The following PATJ variants were observed in gnomAD, a reference collection of about 807,000 sequenced individuals.
PATJ encodes inaD-like protein.
A neutral mutation model predicts 224.9 loss-of-function variants in PATJ; 190 were observed. The ratio of observed to expected loss-of-function variants is 0.84; its 90% CI spans 0.75 to 0.95. The LOEUF (loss-of-function observed/expected upper bound fraction) is 0.95. PATJ is among the 40% of genes least tolerant of loss of function. The pLI, the probability that PATJ is intolerant of heterozygous loss-of-function variation, is 0.00. For synonymous variants in PATJ, 769 were observed against 820.3 expected (o/e 0.94, Z 1.07); for missense variants, 2,121 against 2,270.3 (o/e 0.93, Z 1.34).
rs758947300 is a variant in PATJ, at chr1:61,833,803, G to A, written c.2112+18G>A. The A allele has an allele frequency of 6.2e-7, 1 of 1,606,340 alleles. No homozygotes were observed. The highest frequency in any genetic ancestry group is 2.2e-5 in the East Asian group (1 of 44,682). On this transcript the variant is annotated intron_variant, in intron 17 of 43. Transcript: ENST00000642238. Reference sequence around the variant, plus strand: ...ATTACCAGGTATAAGAACCTGTGTAGAGGTGTTTTCTTTGGAGTGATTGGT... The same window carrying A: ...ATTACCAGGTATAAGAACCTGTGTAAAGGTGTTTTCTTTGGAGTGATTGGT...
chr1:62,008,182 A>G (rs1646209263), intron 28 of PATJ, among the ~76,000 whole-genome samples: 1 of 152,168 alleles, frequency 6.6e-6, no homozygotes, highest in Non-Finnish European at 1.5e-5. Flanking sequence ...AGCCTATGTT[A>G]TATGCTCCTC....
At chr1:62,117,855 A>G (rs17123111) in intron 37 of PATJ, among the ~76,000 whole-genome samples, 26,213 of 152,098 alleles carry the variant, frequency 0.17, 3,727 homozygotes, top group East Asian at 0.73. Flanking sequence ...TGTGGTACAT[A>G]ATGAGACTAT....
In PATJ at chr1:62,161,151, C is replaced by T. The variant is rs775262155; in HGVS notation, c.*97C>T. The T allele has an allele frequency of 2.7e-5, 25 of 938,104 alleles. No individual in the cohort carries two copies. Among genetic ancestry groups the T allele is most frequent in the Non-Finnish European group, 3.5e-5 (24 of 691,870 alleles). The allele number at this position is 938,104 out of a possible 1,614,324, so 58.1% of individuals were successfully genotyped here. On this transcript the variant is annotated 3_prime_UTR_variant, in exon 44 of 44. Transcript: ENST00000642238. ...ATGAAAAGCACCCTCAACTAAAATGCACCTTCATTCTTATTTCTTGCCCTC... is the reference window on the plus strand; with the variant it reads ...ATGAAAAGCACCCTCAACTAAAATGTACCTTCATTCTTATTTCTTGCCCTC...
chr1:62,136,681 G>C (rs868159127), intron 41 of PATJ, among the ~76,000 whole-genome samples: 30 of 146,892 alleles, frequency 2.0e-4, no homozygotes, highest in Admixed American at 4.1e-4. Context: ...GTGTGTGTGT[G>C]TGTGTGTGTG....
intron 27 of PATJ, among the ~76,000 whole-genome samples, chr1:61,971,082 T>C (rs1682911195): frequency 6.6e-6 from 1 of 152,184 alleles, no homozygotes; most frequent in Non-Finnish European, 1.5e-5. Context: ...GTATTCTTTA[T>C]TTTGATCATC....
At position 61,981,202 on chromosome 1, in the gene PATJ, A is replaced by G. The variant is rs76379623; in HGVS notation, c.3671-8966A>G. On this transcript the variant is annotated intron_variant, in intron 27 of 43. Transcript: ENST00000642238. ...ACTTTTGTTGACTGTCATCATCAAC[A>G]TGTTTTTCCTGGAAAGAAATGAGTG... is the stretch of plus-strand genomic sequence containing the variant. Among the ~76,000 whole-genome samples, 789 of 152,110 alleles carry G rather than the reference A, an allele frequency of 5.2e-3. 15 individuals are homozygous for G. The highest frequency in any genetic ancestry group is 0.018 in the African/African-American group (748 of 41,366).
At chr1:62,079,675 G>A in intron 32 of PATJ, 108 bp downstream of exon 32, 1 of 726,844 alleles carries the variant, frequency 1.4e-6, no homozygotes. Flanking sequence ...TCTGACTCTG[G>A]ATACTTCCTC....
chr1:61,881,175 T>C (rs1283835596), intron 21 of PATJ, among the ~76,000 whole-genome samples: 1 of 152,164 alleles, frequency 6.6e-6, no homozygotes, highest in Non-Finnish European at 1.5e-5. Flanking sequence ...TTGTTCTCTA[T>C]TTTCTAGAAT....
chr1:62,092,701 C>G (rs962089653), intron 33 of PATJ, among the ~76,000 whole-genome samples: 1 of 150,514 alleles, frequency 6.6e-6, no homozygotes, highest in Non-Finnish European at 1.5e-5. Context: ...CAGGTGTGAG[C>G]CACTGCACCT....
At chr1:62,147,259 T>C (rs933679688) in intron 41 of PATJ, among the ~76,000 whole-genome samples, 1 of 151,780 alleles carries the variant, frequency 6.6e-6, no homozygotes, top group African/African-American at 2.4e-5. Context: ...GACTAAGCCC[T>C]GTGGCCCTCA....
At position 61,771,589 on chromosome 1, in the gene PATJ, C is replaced by T; in HGVS notation, c.683C>T (p.Thr228Ile). Reference sequence around the variant, plus strand: ...GAACCAGTCCACACAAAAAGCAGTACTTCTAGCAGCCTAAATGATACAACT... The same window carrying T: ...GAACCAGTCCACACAAAAAGCAGTATTTCTAGCAGCCTAAATGATACAACT... ...AREPVHTKSS[T>I]SSSLNDTTLP... Residue 228 changes from threonine to isoleucine, a missense_variant, in exon 6 of 44, where the codon ACT (threonine) becomes ATT (isoleucine). Physicochemically the swap from Thr to Ile is moderately conservative, Grantham distance 89. Transcript: ENST00000642238. 1 of 1,607,608 alleles carries T rather than the reference C, an allele frequency of 6.2e-7. No homozygotes were observed. The highest frequency in any genetic ancestry group is 1.1e-5 in the South Asian group (1 of 89,208).
chr1:61,888,554 G>C, intron 22 of PATJ, among the ~76,000 whole-genome samples: 1 of 152,104 alleles, frequency 6.6e-6, no homozygotes, highest in Admixed American at 6.6e-5. Flanking sequence ...CTCCCAAAGT[G>C]TTCAAATTAT....
At position 61,813,362 on chromosome 1, in the gene PATJ, T is replaced by G. The variant is rs941882113; in HGVS notation, c.1683+4832T>G. ...ATATATATATATATATATATATATATATATATATATATATATACACACACA... is the reference window on the plus strand; with the variant it reads ...ATATATATATATATATATATATATAGATATATATATATATATACACACACA... On this transcript the variant is annotated intron_variant, in intron 14 of 43. Transcript: ENST00000642238. 1.3e-3 allele frequency among the ~76,000 whole-genome samples: 59 copies of G among 45,846 alleles called. 1 individual carries two copies. Among genetic ancestry groups the G allele is most frequent in the Admixed American group, 5.6e-3 (19 of 3,414 alleles). The allele number at this position is 45,846 out of a possible 152,430, so 30.1% of individuals were successfully genotyped here.
chr1:62,026,464 G>A (rs1647936989), intron 29 of PATJ, among the ~76,000 whole-genome samples: 1 of 111,040 alleles, frequency 9.0e-6, no homozygotes, highest in Non-Finnish European at 1.9e-5. Context: ...TTCAACATTT[G>A]TGTGTGTGTG....
At chr1:61,940,469 C>T (rs1274647365) in intron 27 of PATJ, among the ~76,000 whole-genome samples, 1 of 152,082 alleles carries the variant, frequency 6.6e-6, no homozygotes, top group Non-Finnish European at 1.5e-5. Context: ...GTAATCCCAG[C>T]ACTTTGGGAG....
At chr1:62,093,159 G>A (rs149451083) in intron 33 of PATJ, among the ~76,000 whole-genome samples, 69 of 152,120 alleles carry the variant, frequency 4.5e-4, no homozygotes, top group African/African-American at 1.3e-3. Context: ...GGGCAGCTAC[G>A]TTAGCAAGAA....
chr1:62,158,366 C>G lies in PATJ; in HGVS notation c.5503-2542C>G, dbSNP rs1323844921. On this transcript the variant is annotated intron_variant, in intron 43 of 43. Coordinates refer to ENST00000642238, the MANE Select transcript of PATJ (RefSeq NM_001350145.3). ...AAAAATCATCCTGGCTGGGCACGGA[C>G]TCATGCCTGTAATCCCAGCACTTTG... Among the ~76,000 whole-genome samples the G allele has an allele frequency of 1.3e-5, 2 of 148,944 alleles. 1 individual carries two copies. Among genetic ancestry groups the G allele is most frequent in the Non-Finnish European group, 3.0e-5 (2 of 66,996 alleles).
intron 33 of PATJ, among the ~76,000 whole-genome samples, chr1:62,106,291 G>A (rs1313126706): frequency 6.9e-6 from 1 of 144,982 alleles, no homozygotes; most frequent in African/African-American, 2.5e-5. Flanking sequence ...GCAACATAGT[G>A]AGACCCCCAT....
chr1:61,978,477 C>G (rs912568949), intron 27 of PATJ, among the ~76,000 whole-genome samples: 3 of 151,958 alleles, frequency 2.0e-5, no homozygotes, highest in Admixed American at 6.6e-5. Flanking sequence ...GTTGGTCAGG[C>G]TGGTCTCGAA....
Sources: gnomAD v4.1 joint callset for allele counts (sites outside exome capture counted in the v4.1 genomes callset) on GRCh38, gnomAD v4.1.1 for gene constraint, MANE v1.5 for transcripts, NCBI Gene and HGNC (gene_info 2026-07-23, HGNC 2026-07-21) for gene names.